Variants in CCNH observed in about 807,000 individuals in gnomAD.
The protein encoded by CCNH is cyclin H.
Under a neutral mutation model 41.9 loss-of-function variants are expected in CCNH, and 31 were observed. The ratio of observed to expected loss-of-function variants is 0.74; its 90% CI spans 0.56 to 1.00. CCNH has a LOEUF of 1.00. CCNH is among the 50% of genes least tolerant of loss of function. CCNH has a pLI of 0.00. For missense variants in CCNH, 362 were observed against 388.4 expected, an observed-to-expected ratio of 0.93 and a Z score of 0.57; for synonymous variants, 138 against 136.1, an observed-to-expected ratio of 1.01 and a Z score of -0.10.
chr5:87,384,831 G>GTAGGA (rs1761956984), intron 9 of CCNH, among the ~76,000 whole-genome samples: 1 of 152,042 alleles, frequency 6.6e-6, no homozygotes, highest in Non-Finnish European at 1.5e-5. Context: ...ATAAAGCAGA[G>GTAGGA]GTCCTAGACT....
intron 9 of CCNH, chr5:87,333,389 A>G (rs375317961): frequency 7.5e-6 from 12 of 1,603,688 alleles, no homozygotes; most frequent in Non-Finnish European, 1.0e-5. Context: ...CTAGACTTCG[A>G]AGATTTATTA....
intron 9 of CCNH, among the ~76,000 whole-genome samples, chr5:87,348,661 A>G (rs778929297): frequency 4.6e-5 from 7 of 151,120 alleles, no homozygotes; most frequent in Admixed American, 6.6e-5. Context: ...TTTAAGATGC[A>G]GGATCTTGCT....
intron 9 of CCNH, chr5:87,385,173 C>T: frequency 1.4e-6 from 1 of 700,534 alleles, no homozygotes; most frequent in Non-Finnish European, 2.6e-6. Flanking sequence ...CAAAAACATT[C>T]TGAGTTCCGA....
At chr5:87,388,647 A>G (rs1170291067), downstream of CCNH, among the ~76,000 whole-genome samples, 2 of 152,236 alleles carry the variant, frequency 1.3e-5, no homozygotes, top group Non-Finnish European at 2.9e-5. Flanking sequence ...ATCTGAAAGT[A>G]CCATAATTAA....
At chr5:87,390,891 C>T (rs181092734), downstream of CCNH, 95 of 1,602,640 alleles carry the variant, frequency 5.9e-5, no homozygotes, top group African/African-American at 8.7e-4. Flanking sequence ...TAGCAGCCTT[C>T]GCCCCAGTGT....
chr5:87,377,210 G>GGTTA, upstream of CCNH: 1 of 808,106 alleles, frequency 1.2e-6, no homozygotes, highest in Non-Finnish European at 2.0e-6. Context: ...TGATTATGTT[G>GGTTA]GTTACTATGG....
At chr5:87,344,074 GC>G (rs1758669556) in intron 9 of CCNH, among the ~76,000 whole-genome samples, 1 of 152,146 alleles carries the variant, frequency 6.6e-6, no homozygotes, top group African/African-American at 2.4e-5. Flanking sequence ...GGGAAGGGTA[GC>G]AGGGAAGGGG....
rs1762743367 is a variant in CCNH at position 87,394,315 on chromosome 5, G to A, written c.*131C>T. ...TATTTTACATAAAGTTACTGTGAAA[G>A]GGAAAGAAAACAATAGAAAAGTTTT... On this transcript the variant is annotated 3_prime_UTR_variant, in exon 9 of 9. Transcript: ENST00000256897. 5.9e-6 allele frequency: 8 copies of A among 1,366,880 alleles called. No homozygotes were observed. Among genetic ancestry groups the A allele is most frequent in the South Asian group, 2.0e-5 (1 of 50,682 alleles). 84.7% of individuals were successfully genotyped at this position (1,366,880 alleles called of 1,614,324 possible). A position where few individuals can be genotyped will look rare whatever the true frequency, so the allele number is the denominator to read the frequency against.
At chr5:87,406,188 C>G (rs2112572427) in intron 4 of CCNH, among the ~76,000 whole-genome samples, 1 of 152,270 alleles carries the variant, frequency 6.6e-6, no homozygotes, top group East Asian at 1.9e-4. Flanking sequence ...TTCCCCTTTT[C>G]CACTGTTAAG....
At chr5:87,338,534 A>ATATATATATATATATATATATATAT (rs1561292504) in intron 9 of CCNH, among the ~76,000 whole-genome samples, 2 of 46,096 alleles carry the variant, frequency 4.3e-5, no homozygotes, top group Admixed American at 2.0e-4. Context: ...TATATATATA[A>ATATATATATATATATATATATATAT]AATTTTTTTT....
chr5:87,315,625 G>A (rs1756270133), downstream of CCNH, among the ~76,000 whole-genome samples: 1 of 152,170 alleles, frequency 6.6e-6, no homozygotes, highest in Non-Finnish European at 1.5e-5. Context: ...TCAACCTAGA[G>A]TAAATATAGA....
chr5:87,344,678 A>ATTT (rs113174684), intron 9 of CCNH, among the ~76,000 whole-genome samples: 10 of 131,210 alleles, frequency 7.6e-5, no homozygotes, highest in African/African-American at 1.1e-4. Flanking sequence ...AAATGTTGTA[A>ATTT]TTTTTTTTTT....
intron 9 of CCNH, chr5:87,332,657 T>C: frequency 6.2e-7 from 1 of 1,602,170 alleles, no homozygotes; most frequent in Non-Finnish European, 8.5e-7. Flanking sequence ...GTAAAATGAA[T>C]AAAATATCTT....
intron 9 of CCNH, among the ~76,000 whole-genome samples, chr5:87,335,226 T>C (rs1757877629): frequency 6.6e-6 from 1 of 152,068 alleles, no homozygotes; most frequent in African/African-American, 2.4e-5. Context: ...AGAGAATGTT[T>C]GACATTTTTT....
chr5:87,334,521 C>T (rs901610734), intron 9 of CCNH, among the ~76,000 whole-genome samples: 7 of 152,138 alleles, frequency 4.6e-5, no homozygotes, highest in African/African-American at 1.2e-4. Flanking sequence ...TAAAATTAGC[C>T]ATCACAGTCC....
downstream of CCNH, chr5:87,390,668 G>A (rs374702121): frequency 4.5e-5 from 34 of 761,286 alleles, no homozygotes; most frequent in East Asian, 4.8e-4. Context: ...AGAGACTTAT[G>A]TTTTGAGGGG....
intron 9 of CCNH, among the ~76,000 whole-genome samples, chr5:87,319,606 G>A (rs1206542587): frequency 1.3e-5 from 2 of 152,144 alleles, no homozygotes; most frequent in Non-Finnish European, 2.9e-5. Flanking sequence ...GCTGGGATGC[G>A]GGGCACCAAG....
chr5:87,381,945 T>C (rs936041358), upstream of CCNH, among the ~76,000 whole-genome samples: 5 of 152,142 alleles, frequency 3.3e-5, no homozygotes, highest in Non-Finnish European at 7.4e-5. Flanking sequence ...AAGTCCAAAA[T>C]TAAAGACTTA....
At chr5:87,402,930 A>G (rs181613247) in intron 5 of CCNH, among the ~76,000 whole-genome samples, 2 of 152,304 alleles carry the variant, frequency 1.3e-5, no homozygotes, top group East Asian at 1.9e-4. Flanking sequence ...CTTAACCTCA[A>G]TTTTGAATTT....
Sources: allele counts gnomAD v4.1 joint callset (sites outside exome capture counted in the v4.1 genomes callset), GRCh38; gene constraint gnomAD v4.1.1; transcripts MANE v1.5; gene names NCBI Gene and HGNC (gene_info 2026-07-23, HGNC 2026-07-21).